The following OSBP variants were observed in gnomAD, a reference collection of about 807,000 sequenced individuals.
The protein encoded by OSBP is oxysterol binding protein, also known as oxysterol-binding protein 1.
In OSBP, 32 loss-of-function variants were observed where a neutral mutation model predicts 96.6. The observed-to-expected ratio is 0.33, with a 90% CI of 0.25 to 0.45. OSBP has a LOEUF of 0.45. Ranked by LOEUF, OSBP falls within the 20% of genes least tolerant of loss-of-function variation. The probability of loss-of-function intolerance (pLI) is 1.00; values close to 1 mark genes in which losing one functional copy is unlikely to be tolerated. For synonymous variants in OSBP, 369 were observed against 389.6 expected, an observed-to-expected ratio of 0.95 and a Z score of 0.62; for missense variants, 653 against 1,029.7, an observed-to-expected ratio of 0.63 and a Z score of 5.01.
chr11:59,584,943 T>C (rs1325960458), intron 9 of OSBP, among the ~76,000 whole-genome samples: 1 of 152,206 alleles, frequency 6.6e-6, no homozygotes, highest in East Asian at 1.9e-4. Context: ...TGAGGCTCAA[T>C]GGTGCCCAGG....
At position 59,600,550 on chromosome 11, in the gene OSBP, T is replaced by C. The variant is rs148164019; in HGVS notation, c.1257A>G (p.Leu419=). The C allele has an allele frequency of 5.0e-6, 8 of 1,614,058 alleles. No homozygotes were observed. The African/African-American group carries it at 8.0e-5, about 16-fold the overall frequency. ...CAATGCAGTTCTTCATGATGCTCCA[T>C]AAATTGAGGCTATAGTTTGGCTTGT... ...IPYKPNYSLN[L]WSIMKNCIGK... Residue 419 remains leucine (L), a synonymous_variant, in exon 7 of 14, where the codon TTA becomes TTG. Transcript: ENST00000263847.
At chr11:59,614,968 C>T (rs546259395) in intron 1 of OSBP, among the ~76,000 whole-genome samples, 1 of 152,202 alleles carries the variant, frequency 6.6e-6, no homozygotes, top group Non-Finnish European at 1.5e-5. Flanking sequence ...TACACCAGTG[C>T]CTTGCTTGCA....
At position 59,608,591 on chromosome 11, in the gene OSBP, G is replaced by A; in HGVS notation, c.715C>T (p.Leu239Phe). The A allele has an allele frequency of 6.2e-7, 1 of 1,614,176 alleles. No homozygotes were observed. Among genetic ancestry groups the A allele is most frequent in the Non-Finnish European group, 8.5e-7 (1 of 1,180,028 alleles). The change falls in exon 3 of 14, where the codon CTC becomes TTC. Residue 239 changes from leucine (L) to phenylalanine (F), a missense_variant. Leu to Phe is a conservative substitution (Grantham distance 22, BLOSUM62 0). Around this residue, in one of 6 missense-constraint regions of OSBP, gnomAD observed 308 missense variants for 573.1 expected, o/e 0.54. Transcript: ENST00000263847. Reference protein sequence around the residue: ...AKHGTALQRSLSELESLKLPA... With the variant: ...AKHGTALQRSFSELESLKLPA... ...AACTTCAGGGACTCCAGCTCACTGAGAGAACGCTGCAGAGCTGTGCCATGC... is the reference window on the plus strand; with the variant it reads ...AACTTCAGGGACTCCAGCTCACTGAAAGAACGCTGCAGAGCTGTGCCATGC...
At chr11:59,579,613 T>C (rs1225016958) in intron 11 of OSBP, among the ~76,000 whole-genome samples, 1 of 151,998 alleles carries the variant, frequency 6.6e-6, no homozygotes, top group African/African-American at 2.4e-5. Flanking sequence ...CAATCTCTCA[T>C]TGCTCTCGAC....
At chr11:59,615,217 G>T in intron 1 of OSBP, 86 bp downstream of exon 1, 1 of 1,181,586 alleles carries the variant, frequency 8.5e-7, no homozygotes, top group Non-Finnish European at 1.2e-6. Flanking sequence ...CCTGGCTGCG[G>T]TGCCGGCTGG....
intron 7 of OSBP, among the ~76,000 whole-genome samples, chr11:59,600,089 TTC>T (rs1250380141): frequency 6.6e-6 from 1 of 152,200 alleles, no homozygotes; most frequent in African/African-American, 2.4e-5. Flanking sequence ...CGATTTTTGC[TTC>T]TGTGTTCCCT....
Position 59,578,444 on chromosome 11 carries a change from C to A in OSBP, c.1879-114G>T, listed in dbSNP as rs1860384603. The A allele has an allele frequency of 3.0e-6, 3 of 987,040 alleles. No individual in the cohort carries two copies. The East Asian group carries it at 7.3e-5, about 24-fold the overall frequency. 61.1% of individuals were successfully genotyped at this position (987,040 alleles called of 1,614,324 possible). A position where few individuals can be genotyped will look rare whatever the true frequency, so the allele number is the denominator to read the frequency against. On this transcript the variant is annotated intron_variant, in intron 11 of 13. Transcript: ENST00000263847. ...GGTTAGGTCCTGTTATAACAAACAC[C>A]AGAGAGTCATCCAAATTATTATTAG...
intron 3 of OSBP, among the ~76,000 whole-genome samples, chr11:59,605,672 C>T (rs1257431230): frequency 6.6e-6 from 1 of 152,172 alleles, no homozygotes; most frequent in Non-Finnish European, 1.5e-5. Flanking sequence ...AGGTGTGAGG[C>T]ACCATGCCTG....
At chr11:59,603,717 T>C (rs890500608) in intron 3 of OSBP, among the ~76,000 whole-genome samples, 3 of 151,866 alleles carry the variant, frequency 2.0e-5, no homozygotes, top group Non-Finnish European at 4.4e-5. Context: ...TTGTAGTTAA[T>C]ATAGAGGTGG....
At chr11:59,588,721 G>A (rs956059899) in intron 9 of OSBP, among the ~76,000 whole-genome samples, 2 of 151,518 alleles carry the variant, frequency 1.3e-5, no homozygotes, top group Non-Finnish European at 2.9e-5. Context: ...TTAAAAAATT[G>A]GAGGCTGGGC....
rs201962555 is a variant in OSBP at position 59,615,400 on chromosome 11, A to G, written c.265T>C (p.Ser89Pro). 1.9e-6 allele frequency: 3 copies of G among 1,566,612 alleles called. No individual in the cohort carries two copies. The highest frequency in any genetic ancestry group is 2.6e-6 in the Non-Finnish European group (3 of 1,154,664). ...SGGSGAGGSG[S>P]AREGWLFKWT... Reference sequence around the variant, plus strand: ...TTGAAGAGCCAGCCCTCTCGAGCCGAGCCCGAACCCCCAGCGCCCGAGCCG... The same window carrying G: ...TTGAAGAGCCAGCCCTCTCGAGCCGGGCCCGAACCCCCAGCGCCCGAGCCG... The change falls in exon 1 of 14, where the codon TCG becomes CCG. Residue 89 changes from serine to proline, a missense_variant. Ser to Pro is a moderately conservative substitution (Grantham distance 74). Transcript: ENST00000263847.
rs77542258 is a variant in OSBP at position 59,593,497 on chromosome 11, C to T, written c.1678+107G>A. On this transcript the variant is annotated intron_variant, in intron 9 of 13. Coordinates refer to ENST00000263847, the MANE Select transcript of OSBP (RefSeq NM_002556.3). ...AAGCCAGTTAGTGAGGGTCAGTGCT[C>T]GAATCAGACCTCCTGTCTCCTGACT... The T allele has an allele frequency of 3.2e-3, 4,108 of 1,277,490 alleles. 101 individuals are homozygous for T. In the African/African-American group the frequency reaches 0.052, roughly 16 times the overall value. The allele number at this position is 1,277,490 out of a possible 1,614,324, so 79.1% of individuals were successfully genotyped here. A position where few individuals can be genotyped will look rare whatever the true frequency, so the allele number is the denominator to read the frequency against.
chr11:59,588,918 T>C (rs573431744), intron 9 of OSBP, among the ~76,000 whole-genome samples: 1 of 151,630 alleles, frequency 6.6e-6, no homozygotes, highest in South Asian at 2.1e-4. Context: ...GGCAGGAGAA[T>C]CAGTTGAACC....
At chr11:59,595,572 A>G (rs1860639318) in intron 7 of OSBP, among the ~76,000 whole-genome samples, 1 of 152,192 alleles carries the variant, frequency 6.6e-6, no homozygotes, top group Non-Finnish European at 1.5e-5. Context: ...AGTATCAAGG[A>G]AAAAATTTTC....
At chr11:59,597,588 G>C (rs1283589784) in intron 7 of OSBP, among the ~76,000 whole-genome samples, 4 of 151,992 alleles carry the variant, frequency 2.6e-5, no homozygotes, top group African/African-American at 9.7e-5. Context: ...CACCCAGGCT[G>C]GAGTGCAGTG....
rs369758931 is a variant in OSBP at position 59,600,667 on chromosome 11, C to G, written c.1180-40G>C. 2.0e-5 allele frequency: 32 copies of G among 1,596,008 alleles called. No individual in the cohort carries two copies. The African/African-American group carries it at 4.1e-4, about 21-fold the overall frequency. ...AAGCCATTCAACCACCCACAAAGAA[C>G]AGAAAACCTGGTATTTATAACCTTC... On this transcript the variant is annotated intron_variant, in intron 6 of 13. Transcript: ENST00000263847.
Position 59,597,348 on chromosome 11 carries a change from C to T in OSBP, c.1312-3093G>A, listed in dbSNP as rs145373938. 3.4e-3 allele frequency among the ~76,000 whole-genome samples: 510 copies of T among 152,208 alleles called. 5 individuals are homozygous for T. The highest frequency in any genetic ancestry group is 0.011 in the African/African-American group (457 of 41,518). On this transcript the variant is annotated intron_variant, in intron 7 of 13. Coordinates refer to ENST00000263847, the MANE Select transcript of OSBP (RefSeq NM_002556.3). Reference sequence around the variant, plus strand: ...TACAGGTGTGGGCCACCGCGCATGGCACCAGAAGCTGTTTCTAAGCAGGAA... The same window carrying T: ...TACAGGTGTGGGCCACCGCGCATGGTACCAGAAGCTGTTTCTAAGCAGGAA...
At chr11:59,581,354 CA>C in intron 10 of OSBP, 96 bp downstream of exon 10, 5 of 560,064 alleles carry the variant, frequency 8.9e-6, no homozygotes, top group Non-Finnish European at 1.6e-5. Flanking sequence ...TCAGTAGCAA[CA>C]TTCTGAGACC....
In OSBP at chr11:59,615,682, A is replaced by G; in HGVS notation, c.-18T>C. The G allele has an allele frequency of 7.7e-7, 1 of 1,305,908 alleles. No homozygotes were observed. The highest frequency in any genetic ancestry group is 9.7e-7 in the Non-Finnish European group (1 of 1,028,314). 80.9% of individuals were successfully genotyped at this position (1,305,908 alleles called of 1,614,324 possible). A position where few individuals can be genotyped will look rare whatever the true frequency, so the allele number is the denominator to read the frequency against. On this transcript the variant is annotated 5_prime_UTR_variant, in exon 1 of 14. Transcript: ENST00000263847. Reference sequence around the variant, plus strand: ...GCCGCCATGAGCCGCCGCCGCCTGGAGATACAAGACCGGAACCGCCTACGA... The same window carrying G: ...GCCGCCATGAGCCGCCGCCGCCTGGGGATACAAGACCGGAACCGCCTACGA...
Sources: allele counts gnomAD v4.1 joint callset (sites outside exome capture counted in the v4.1 genomes callset), GRCh38; gene constraint gnomAD v4.1.1; regional missense constraint gnomAD v4.1.1; transcripts MANE v1.5; gene names NCBI Gene and HGNC (gene_info 2026-07-23, HGNC 2026-07-21).